The following ZFPM1 variants were observed in gnomAD, a reference collection of about 807,000 sequenced individuals.
ZFPM1 encodes zinc finger protein ZFPM1.
A neutral mutation model predicts 46.3 loss-of-function variants in ZFPM1; 28 were observed. The ratio of observed to expected loss-of-function variants is 0.60; its 90% confidence interval spans 0.45 to 0.83. The LOEUF (loss-of-function observed/expected upper bound fraction) is 0.83, where lower values mean the gene tolerates loss of function less well. Among genes scored for constraint, ZFPM1 ranks in the 40% least tolerant of loss-of-function variants. ZFPM1 has a pLI of 0.00. For synonymous variants in ZFPM1, 957 were observed against 675.9 expected (o/e 1.42, Z -6.45); for missense variants, 1,878 against 1,432.4 (o/e 1.31, Z -5.02).
At chr16:88,532,564 C>A in intron 7 of ZFPM1, 50 bp from the exon 8 acceptor site, 1 of 1,531,184 alleles carries the variant, frequency 6.5e-7, no homozygotes, top group Admixed American at 2.0e-5. Context: ...TCCCTGGAGT[C>A]CCAAGGTTAA....
rs190928574 is a variant in ZFPM1, at chr16:88,471,958, C to T, written c.41-13981C>T. ...GCCGGGGCAGGGGCCGTGTGGTCTG[C>T]AGGGAGTGGAGCCAGAAGCCTGGGC... is the stretch of plus-strand genomic sequence containing the variant. On this transcript the variant is annotated intron_variant, in intron 1 of 9. Coordinates refer to ENST00000319555, the MANE Select transcript of ZFPM1 (RefSeq NM_153813.3). The surrounding 1 kb of genome is among the most constrained non-coding windows in gnomAD (Gnocchi z 4.1). Among the ~76,000 whole-genome samples the T allele has an allele frequency of 3.9e-5, 6 of 152,226 alleles. No homozygotes were observed. The highest frequency in any genetic ancestry group is 8.8e-5 in the Non-Finnish European group (6 of 68,036).
intron 1 of ZFPM1, among the ~76,000 whole-genome samples, chr16:88,467,914 G>A (rs1332258389): frequency 6.6e-6 from 1 of 152,102 alleles, no homozygotes; most frequent in Admixed American, 6.5e-5. Flanking sequence ...CTGCTTGCTC[G>A]AGCTGAGCGG....
At position 88,533,416 on chromosome 16, in the gene ZFPM1, G is replaced by C. The variant is rs539733485; in HGVS notation, c.1458G>C (p.Pro486=). The C allele has an allele frequency of 2.7e-4, 405 of 1,487,908 alleles. 2 individuals carry two copies. In the African/African-American group the frequency reaches 5.1e-3, roughly 19 times the overall value. 92.2% of individuals were successfully genotyped at this position (1,487,908 alleles called of 1,614,324 possible). Residue 486 remains proline, a synonymous_variant, in exon 10 of 10, where the codon CCG becomes CCC. Transcript: ENST00000319555. The part of the protein sequence containing the change: ...LGPGEPGPQA[P]SRTPSPRSPA... ...CCGGAGAGCCTGGGCCCCAGGCCCC[G>C]TCGCGGACGCCGTCGCCGCGCAGCC...
chr16:88,485,867 C>A, intron 1 of ZFPM1, 72 bp from the exon 2 acceptor site: 2 of 1,463,222 alleles, frequency 1.4e-6, no homozygotes, highest in African/African-American at 1.4e-5. Flanking sequence ...TGTACCTATG[C>A]CAGGAGGGGT....
At chr16:88,510,174 G>T (rs996738604) in intron 3 of ZFPM1, among the ~76,000 whole-genome samples, 2 of 152,180 alleles carry the variant, frequency 1.3e-5, no homozygotes, top group Non-Finnish European at 2.9e-5. Context: ...CTCCATATGG[G>T]TAAACTGAGG....
At chr16:88,478,687 G>A (rs968507074) in intron 1 of ZFPM1, among the ~76,000 whole-genome samples, 8 of 152,204 alleles carry the variant, frequency 5.3e-5, no homozygotes, top group African/African-American at 9.7e-5. Context: ...CATGGGGGAC[G>A]GACCTAGGCT....
intron 6 of ZFPM1, among the ~76,000 whole-genome samples, chr16:88,531,419 G>C (rs1597288138): frequency 1.3e-5 from 2 of 152,190 alleles, no homozygotes; most frequent in Admixed American, 1.3e-4. Context: ...GACCAGCCAG[G>C]TGGTCACTGA....
chr16:88,524,476 G>A (rs73250218), intron 4 of ZFPM1, among the ~76,000 whole-genome samples: 6,841 of 151,958 alleles, frequency 0.045, 325 homozygotes, highest in African/African-American at 0.12. Context: ...GCACCCACCC[G>A]ATGCCAGCCT....
chr16:88,516,220 C>A (rs56942741), intron 4 of ZFPM1: 12,444 of 398,626 alleles, frequency 0.031, 250 homozygotes, highest in African/African-American at 0.072. Context: ...GAGACCCTCG[C>A]AAGCTCCTTA....
At chr16:88,488,177 C>T (rs990777293) in intron 2 of ZFPM1, among the ~76,000 whole-genome samples, 15 of 152,216 alleles carry the variant, frequency 9.9e-5, no homozygotes, top group African/African-American at 3.6e-4. Flanking sequence ...CGGCAAGCTG[C>T]AGGGCGCCCT....
chr16:88,456,549 G>GGGC (rs1907569619), intron 1 of ZFPM1, among the ~76,000 whole-genome samples: 2 of 152,180 alleles, frequency 1.3e-5, no homozygotes, highest in South Asian at 4.1e-4. Flanking sequence ...CAAACGAGAG[G>GGGC]GGCAGAGGGG....
chr16:88,476,806 AGGGCTTCCCAGAG>A (rs998708397), intron 1 of ZFPM1, among the ~76,000 whole-genome samples: 1 of 152,134 alleles, frequency 6.6e-6, no homozygotes, highest in Admixed American at 6.5e-5. Context: ...TGAGCCAGGG[AGGGCTTCCCAGAG>A]GGGCAGGGAA....
intron 3 of ZFPM1, among the ~76,000 whole-genome samples, chr16:88,491,017 G>C (rs573256047): frequency 1.3e-5 from 2 of 151,172 alleles, no homozygotes; most frequent in East Asian, 3.9e-4. Flanking sequence ...TGGTGCCTTC[G>C]GGGCTCTCGG....
chr16:88,485,281 G>C (rs972908679), intron 1 of ZFPM1, among the ~76,000 whole-genome samples: 1 of 152,170 alleles, frequency 6.6e-6, no homozygotes, highest in Non-Finnish European at 1.5e-5. Flanking sequence ...GGGGGGAGCA[G>C]GTGGGAAAGA....
intron 1 of ZFPM1, among the ~76,000 whole-genome samples, chr16:88,475,101 G>C (rs1394197750): frequency 6.6e-6 from 1 of 152,266 alleles, no homozygotes. Flanking sequence ...ACTGTGAAGG[G>C]CTGTGCATTC....
chr16:88,454,844 C>T (rs1476406589), intron 1 of ZFPM1, among the ~76,000 whole-genome samples: 1 of 152,216 alleles, frequency 6.6e-6, no homozygotes. Flanking sequence ...CGCTGCCCAG[C>T]CGTAGGCGCC....
chr16:88,496,692 G>T lies in ZFPM1; in HGVS notation c.268+7539G>T, dbSNP rs984362599. 1.2e-4 allele frequency among the ~76,000 whole-genome samples: 19 copies of T among 152,180 alleles called. 1 individual carries two copies. Among genetic ancestry groups the T allele is most frequent in the Non-Finnish European group, 7.4e-5 (5 of 67,974 alleles). Reference sequence around the variant, plus strand: ...GAGAGGGGGCTTGGGGTGGGGACGGGGACCCTCACCCACACACTGCTGGGC... The same window carrying T: ...GAGAGGGGGCTTGGGGTGGGGACGGTGACCCTCACCCACACACTGCTGGGC... On this transcript the variant is annotated intron_variant, in intron 3 of 9. Coordinates refer to ENST00000319555, the MANE Select transcript of ZFPM1 (RefSeq NM_153813.3).
rs1280002576 is a variant in ZFPM1, at chr16:88,526,847, G to T, written c.436G>T (p.Ala146Ser). ...PALTLLLVDE[A>S]CWLRTLPQAL... ...CCTGACCCTGCTGCTGGTGGACGAGGCCTGCTGGCTGAGGACGCTGCCCCA... is the reference window on the plus strand; with the variant it reads ...CCTGACCCTGCTGCTGGTGGACGAGTCCTGCTGGCTGAGGACGCTGCCCCA... Residue 146 changes from alanine to serine, a missense_variant, in exon 5 of 10, where the codon GCC becomes TCC. Transcript: ENST00000319555. 10 of 1,548,848 alleles carry T rather than the reference G, an allele frequency of 6.5e-6. No individual in the cohort carries two copies. The highest frequency in any genetic ancestry group is 1.4e-5 in the African/African-American group (1 of 73,296).
chr16:88,511,742 G>T (rs1233118871), intron 3 of ZFPM1, among the ~76,000 whole-genome samples: 1 of 152,212 alleles, frequency 6.6e-6, no homozygotes, highest in Non-Finnish European at 1.5e-5. Context: ...TCTATGTTCA[G>T]TTGCACAGGT....
Sources: gnomAD v4.1 joint callset for allele counts (sites outside exome capture counted in the v4.1 genomes callset) on GRCh38, gnomAD v4.1.1 for gene constraint, Gnocchi (gnomAD v3.1) non-coding constraint, MANE v1.5 for transcripts, NCBI Gene and HGNC (gene_info 2026-07-23, HGNC 2026-07-21) for gene names.